Variants in ATP2C2 observed in about 807,000 individuals in gnomAD.
ATP2C2 encodes calcium-transporting ATPase type 2C member 2.
In ATP2C2, 171 loss-of-function variants were observed where a neutral mutation model predicts 110.8. The ratio of observed to expected loss-of-function variants is 1.54; its 90% CI spans 1.36 to 1.75. ATP2C2 has a LOEUF of 1.75. ATP2C2 is among the 40% of genes most tolerant of loss of function. The probability of loss-of-function intolerance (pLI) is 0.00; values close to 1 mark genes in which losing one functional copy is unlikely to be tolerated. For synonymous variants in ATP2C2, 804 were observed against 508.4 expected (o/e 1.58, Z -7.82); for missense variants, 1,963 against 1,235.0 (o/e 1.59, Z -8.84).
Position 84,368,623 on chromosome 16 carries a change from A to G in ATP2C2, c.8A>G (p.Glu3Gly), listed in dbSNP as rs751507227. Reference sequence around the variant, plus strand: ...CGCCTGCGCCCGCTCACCATGGTCGAGGGACGCGTCTCCGAGTTCCTGAAG... The same window carrying G: ...CGCCTGCGCCCGCTCACCATGGTCGGGGGACGCGTCTCCGAGTTCCTGAAG... MVEGRVSEFLKKL... is the reference protein window; with the variant it reads MVGGRVSEFLKKL... The change falls in exon 1 of 27, where the codon GAG becomes GGG. Residue 3 changes from glutamate to glycine, a missense_variant. Transcript: ENST00000262429. The G allele has an allele frequency of 6.4e-7, 1 of 1,559,086 alleles. No individual in the cohort carries two copies. The highest frequency in any genetic ancestry group is 2.5e-5 in the East Asian group (1 of 40,020).
At chr16:84,418,196 G>A (rs77618090) in intron 7 of ATP2C2, among the ~76,000 whole-genome samples, 1,890 of 152,302 alleles carry the variant, frequency 0.012, 45 homozygotes, top group African/African-American at 0.043. Flanking sequence ...CACCGGGTGG[G>A]CATGAGCCCT....
chr16:84,401,487 C>T (rs552119170), intron 2 of ATP2C2, among the ~76,000 whole-genome samples: 2 of 152,022 alleles, frequency 1.3e-5, no homozygotes, highest in African/African-American at 2.4e-5. Context: ...ATCTTTAATT[C>T]ATTTTTATTT....
chr16:84,446,713 G>C (rs1446687770), intron 16 of ATP2C2, among the ~76,000 whole-genome samples: 1 of 152,114 alleles, frequency 6.6e-6, no homozygotes, highest in Non-Finnish European at 1.5e-5. Flanking sequence ...TTCCATGCCA[G>C]ACCTCCTGAG....
Position 84,461,871 on chromosome 16 carries a change from C to CCCCGA in ATP2C2, c.2580+63_2580+67dup, listed in dbSNP as rs1911390483. On this transcript the variant is annotated intron_variant, in intron 25 of 26. Transcript: ENST00000262429. ...CTGCTGTGTGTTCTCGACAGCAGCGCCCCGACCCTGCCCGCAGCATTGAGC... is the reference window on the plus strand; with the variant it reads ...CTGCTGTGTGTTCTCGACAGCAGCGCCCCGACCCGACCCTGCCCGCAGCATTGAGC... 5 of 1,608,434 alleles carry CCCCGA rather than the reference C, an allele frequency of 3.1e-6. No individual in the cohort carries two copies. The East Asian group carries it at 1.1e-4, about 36-fold the overall frequency.
chr16:84,460,993 G>A, intron 24 of ATP2C2, 192 bp downstream of exon 24: 1 of 768,920 alleles, frequency 1.3e-6, no homozygotes, highest in Non-Finnish European at 1.9e-6. Context: ...AAAGAAGGGA[G>A]GTCGCCAGGT....
At chr16:84,414,412 G>A (rs929599511) in intron 6 of ATP2C2, among the ~76,000 whole-genome samples, 1 of 152,216 alleles carries the variant, frequency 6.6e-6, no homozygotes, top group African/African-American at 2.4e-5. Context: ...CCAGATGGCT[G>A]CCACAGCTCC....
intron 25 of ATP2C2, 46 bp downstream of exon 25, chr16:84,461,858 C>G (rs771832595): frequency 1.2e-6 from 2 of 1,606,934 alleles, no homozygotes; most frequent in Middle Eastern, 3.3e-4. Flanking sequence ...GCTGTGTGTT[C>G]TCGACAGCAG....
At chr16:84,396,332 G>A (rs917476943) in intron 1 of ATP2C2, among the ~76,000 whole-genome samples, 2 of 151,908 alleles carry the variant, frequency 1.3e-5, no homozygotes, top group East Asian at 1.9e-4. Flanking sequence ...GATCACCTGA[G>A]GTCAGAAATT....
intron 11 of ATP2C2, among the ~76,000 whole-genome samples, chr16:84,437,953 C>T (rs2061788): frequency 1.3e-5 from 2 of 152,222 alleles, no homozygotes; most frequent in East Asian, 3.9e-4. Context: ...TTCTGAACAT[C>T]CCTTATGAAT....
intron 24 of ATP2C2, 23 bp from the exon 25 acceptor site, chr16:84,461,691 T>C: frequency 1.9e-6 from 3 of 1,606,072 alleles, no homozygotes; most frequent in Non-Finnish European, 2.6e-6. Flanking sequence ...GCCTAACCTC[T>C]CACCTTTGTG....
At position 84,451,974 on chromosome 16, in the gene ATP2C2, G is replaced by C. The variant is rs748209681; in HGVS notation, c.1714G>C (p.Val572Leu). 1.9e-6 allele frequency: 3 copies of C among 1,614,018 alleles called. No individual in the cohort carries two copies. Among genetic ancestry groups the C allele is most frequent in the Admixed American group, 1.7e-5 (1 of 60,016 alleles). ...GGGGCGGCTGACGTTTCTCGGTCTTGTGGGCATCATTGACCCCCCGAGAGT... is the reference window on the plus strand; with the variant it reads ...GGGGCGGCTGACGTTTCTCGGTCTTCTGGGCATCATTGACCCCCCGAGAGT... ...ELGRLTFLGL[V>L]GIIDPPRVGV... is the part of the protein sequence containing the mutation. Residue 572 changes from valine (V) to leucine (L), a missense_variant, in exon 18 of 27, where the codon GTG becomes CTG. Physicochemically the swap from Val to Leu is conservative, Grantham distance 32 (BLOSUM62 1). Transcript: ENST00000262429.
At chr16:84,391,517 C>T (rs1030392394) in intron 1 of ATP2C2, among the ~76,000 whole-genome samples, 7 of 152,340 alleles carry the variant, frequency 4.6e-5, no homozygotes, top group African/African-American at 1.7e-4. Flanking sequence ...TGGGCCCTAA[C>T]CCAATGACTG....
At chr16:84,387,634 G>A (rs1377171563) in intron 1 of ATP2C2, among the ~76,000 whole-genome samples, 2 of 152,210 alleles carry the variant, frequency 1.3e-5, no homozygotes, top group Admixed American at 6.5e-5. Flanking sequence ...AAGAGAATGA[G>A]TGGCAGTTAT....
At chr16:84,412,472 CTGTGCA>C (rs1338444414) in intron 6 of ATP2C2, among the ~76,000 whole-genome samples, 7 of 137,020 alleles carry the variant, frequency 5.1e-5, no homozygotes, top group Non-Finnish European at 1.1e-4. Context: ...GTGTGTGTGT[CTGTGCA>C]TGTGTATGTG....
At chr16:84,430,594 C>G (rs1048808605) in intron 11 of ATP2C2, among the ~76,000 whole-genome samples, 1 of 147,224 alleles carries the variant, frequency 6.8e-6, no homozygotes, top group Non-Finnish European at 1.5e-5. Flanking sequence ...GAGCTGAGAT[C>G]ACACTACTGC....
intron 7 of ATP2C2, among the ~76,000 whole-genome samples, chr16:84,420,139 C>G (rs1221573840): frequency 6.6e-6 from 1 of 152,142 alleles, no homozygotes; most frequent in Admixed American, 6.5e-5. Context: ...CCAGGCCTTT[C>G]CCCAGCCACC....
chr16:84,379,803 G>T (rs1363679804), intron 1 of ATP2C2, among the ~76,000 whole-genome samples: 2 of 152,196 alleles, frequency 1.3e-5, no homozygotes, highest in African/African-American at 2.4e-5. Flanking sequence ...TGGTAGGGAA[G>T]GAAGATGTCT....
intron 13 of ATP2C2, 64 bp from the exon 14 acceptor site, chr16:84,440,793 G>T: frequency 7.9e-7 from 1 of 1,268,688 alleles, no homozygotes; most frequent in South Asian, 1.3e-5. Context: ...CAGAGATTGT[G>T]GGCCAACTGG....
intron 1 of ATP2C2, among the ~76,000 whole-genome samples, chr16:84,371,163 G>A (rs1159621007): frequency 6.6e-6 from 1 of 152,172 alleles, no homozygotes; most frequent in East Asian, 1.9e-4. Flanking sequence ...GAGGGGAACT[G>A]GAGACGACCC....
Sources: allele counts gnomAD v4.1 joint callset (sites outside exome capture counted in the v4.1 genomes callset), GRCh38; gene constraint gnomAD v4.1.1; transcripts MANE v1.5; gene names NCBI Gene and HGNC (gene_info 2026-07-23, HGNC 2026-07-21).